Variants in SHROOM3 observed in about 807,000 individuals in gnomAD.
The protein encoded by SHROOM3 is shroom family member 3.
SHROOM3 carries 47 observed loss-of-function variants against 138.6 expected under a neutral mutation model. The ratio of observed to expected loss-of-function variants is 0.34; its 90% confidence interval spans 0.27 to 0.43. The LOEUF (loss-of-function observed/expected upper bound fraction) is 0.43. Ranked by LOEUF, SHROOM3 falls within the 20% of genes least tolerant of loss-of-function variation. The probability of loss-of-function intolerance (pLI) is 1.00; values close to 1 mark genes in which losing one functional copy is unlikely to be tolerated. For missense variants in SHROOM3, 2,491 were observed against 2,596.5 expected, an observed-to-expected ratio of 0.96 and a Z score of 0.88; for synonymous variants, 1,062 against 1,063.3, an observed-to-expected ratio of 1.00 and a Z score of 0.02.
Position 76,435,681 on chromosome 4 carries a change from A to T in SHROOM3, c.-372A>T, listed in dbSNP as rs1451962163. On this transcript the variant is annotated 5_prime_UTR_variant, in exon 1 of 11. Coordinates refer to ENST00000296043, the MANE Select transcript of SHROOM3 (RefSeq NM_020859.4). ...GTAAGATGCTTTTAATTTTCTCTGT[A>T]AAATAGGCAGAAATGGTTTTAGTGT... 6.0e-6 allele frequency: 1 copy of T among 165,650 alleles called. No homozygotes were observed. Among genetic ancestry groups the T allele is most frequent in the Non-Finnish European group, 1.3e-5 (1 of 77,226 alleles). 10.3% of individuals were successfully genotyped at this position (165,650 alleles called of 1,614,324 possible). A position where few individuals can be genotyped will look rare whatever the true frequency, so the allele number is the denominator to read the frequency against.
At chr4:76,674,554 CTTTTTTTTTTTT>C (rs11312421) in intron 2 of SHROOM3, among the ~76,000 whole-genome samples, 60 of 103,262 alleles carry the variant, frequency 5.8e-4, no homozygotes, top group Non-Finnish European at 9.6e-4. Context: ...TCCTTCCTTC[CTTTTTTTTTTTT>C]TTTTTTTTTT....
intron 2 of SHROOM3, among the ~76,000 whole-genome samples, chr4:76,608,693 CA>C (rs1734696352): frequency 1.7e-4 from 13 of 75,110 alleles, no homozygotes; most frequent in Non-Finnish European, 8.6e-5. Context: ...CAGCACAGCA[CA>C]GCACAGCACA....
chr4:76,671,067 G>GTT (rs1366267295), intron 2 of SHROOM3, among the ~76,000 whole-genome samples: 1 of 152,076 alleles, frequency 6.6e-6, no homozygotes, highest in Non-Finnish European at 1.5e-5. Flanking sequence ...TATTACCCTA[G>GTT]TTTAGCCTAT....
intron 1 of SHROOM3, among the ~76,000 whole-genome samples, chr4:76,472,356 T>G (rs1731392757): frequency 6.6e-6 from 1 of 152,220 alleles, no homozygotes; most frequent in Non-Finnish European, 1.5e-5. Flanking sequence ...TTATCAAATA[T>G]TATAATAAAT....
At chr4:76,622,020 G>A (rs1027657266) in intron 2 of SHROOM3, among the ~76,000 whole-genome samples, 3 of 151,836 alleles carry the variant, frequency 2.0e-5, no homozygotes, top group Non-Finnish European at 4.4e-5. Context: ...TAGTAGAGTC[G>A]GGGTTTCACC....
Position 76,754,458 on chromosome 4 carries a change from A to C in SHROOM3, c.3975A>C (p.Gln1325His). ...ECPGTLDHQR[Q>H]ASRTPCPRPP... The stretch of plus-strand genomic sequence containing the variant: ...CTGGAACCCTGGACCATCAGAGGCA[A>C]GCCAGTAGGACACCCTGCCCCAGGC... Residue 1325 changes from glutamine (Q) to histidine (H), a missense_variant, in exon 7 of 11, where the codon CAA becomes CAC. Transcript: ENST00000296043. 2 of 1,614,154 alleles carry C rather than the reference A, an allele frequency of 1.2e-6. No individual in the cohort carries two copies. The highest frequency in any genetic ancestry group is 1.7e-6 in the Non-Finnish European group (2 of 1,180,014).
intron 1 of SHROOM3, among the ~76,000 whole-genome samples, chr4:76,437,864 A>C (rs12647876): frequency 0.028 from 4,214 of 152,274 alleles, 238 homozygotes; most frequent in East Asian, 0.19. Flanking sequence ...CTGTCCCTTA[A>C]TGATAAAATA....
chr4:76,567,523 G>A (rs780197847), intron 2 of SHROOM3, among the ~76,000 whole-genome samples: 2 of 152,142 alleles, frequency 1.3e-5, no homozygotes, highest in African/African-American at 2.4e-5. Context: ...CGTGGTGAGC[G>A]CCTGTAGTCC....
intron 2 of SHROOM3, among the ~76,000 whole-genome samples, chr4:76,650,234 A>C (rs1303543718): frequency 2.0e-5 from 3 of 152,222 alleles, no homozygotes; most frequent in African/African-American, 7.2e-5. Context: ...CAAAACTACA[A>C]TGAGATATCT....
intron 1 of SHROOM3, among the ~76,000 whole-genome samples, chr4:76,521,120 T>C (rs955178945): frequency 1.3e-5 from 2 of 152,186 alleles, no homozygotes; most frequent in Non-Finnish European, 2.9e-5. Flanking sequence ...TTTTAAATCA[T>C]TCATGACCTA....
chr4:76,594,845 C>A (rs898761296), intron 2 of SHROOM3, among the ~76,000 whole-genome samples: 1 of 152,146 alleles, frequency 6.6e-6, no homozygotes, highest in Non-Finnish European at 1.5e-5. Flanking sequence ...TTGACAATGC[C>A]AGTATCTAAG....
chr4:76,465,974 G>C (rs920098168), intron 1 of SHROOM3, among the ~76,000 whole-genome samples: 1 of 152,200 alleles, frequency 6.6e-6, no homozygotes, highest in African/African-American at 2.4e-5. Context: ...AATGAATCCA[G>C]GGAAGACATT....
At chr4:76,561,876 T>G (rs1733604482) in intron 2 of SHROOM3, among the ~76,000 whole-genome samples, 2 of 151,508 alleles carry the variant, frequency 1.3e-5, no homozygotes, top group Admixed American at 6.6e-5. Flanking sequence ...CCAGGAGAGG[T>G]GGCGTGCCCC....
chr4:76,743,427 C>T (rs962445420), intron 5 of SHROOM3, among the ~76,000 whole-genome samples: 6 of 152,182 alleles, frequency 3.9e-5, no homozygotes, highest in Non-Finnish European at 7.3e-5. Context: ...AAATCAGTTC[C>T]TCTGTATGTG....
intron 2 of SHROOM3, among the ~76,000 whole-genome samples, chr4:76,647,620 C>T (rs563241682): frequency 6.6e-6 from 1 of 152,258 alleles, no homozygotes; most frequent in Non-Finnish European, 1.5e-5. Flanking sequence ...GGAAGCCAGG[C>T]AGAGTGGATC....
intron 1 of SHROOM3, among the ~76,000 whole-genome samples, chr4:76,535,897 T>G (rs1732943587): frequency 6.6e-6 from 1 of 152,028 alleles, no homozygotes; most frequent in African/African-American, 2.4e-5. Flanking sequence ...TGTCAGGAGG[T>G]CAAAAGAGAA....
intron 1 of SHROOM3, among the ~76,000 whole-genome samples, chr4:76,444,688 G>A (rs1338733547): frequency 2.0e-5 from 3 of 151,190 alleles, no homozygotes; most frequent in Admixed American, 6.6e-5. Flanking sequence ...TAGAGATGGG[G>A]TTTCACCATA....
intron 2 of SHROOM3, among the ~76,000 whole-genome samples, chr4:76,604,330 A>G (rs1734572427): frequency 6.6e-6 from 1 of 152,230 alleles, no homozygotes. Context: ...AGTTGCTGAC[A>G]TGTTGTATAA....
At chr4:76,738,322 T>C (rs912612356) in intron 4 of SHROOM3, among the ~76,000 whole-genome samples, 6 of 152,214 alleles carry the variant, frequency 3.9e-5, no homozygotes, top group African/African-American at 1.4e-4. Context: ...ACACAAAGTC[T>C]CCTTCACCCG....
Sources: allele counts gnomAD v4.1 joint callset (sites outside exome capture counted in the v4.1 genomes callset), GRCh38; gene constraint gnomAD v4.1.1; transcripts MANE v1.5; gene names NCBI Gene and HGNC (gene_info 2026-07-23, HGNC 2026-07-21).